ZNF266: variants seen among roughly 807,000 people sequenced by gnomAD.
ZNF266 encodes the protein zinc finger protein 266.
ZNF266 carries 16 observed loss-of-function variants against 16.4 expected under a neutral mutation model. The observed-to-expected ratio is 0.98, with a 90% confidence interval of 0.66 to 1.48. The LOEUF is 1.48. ZNF266 is among the 40% of genes most tolerant of loss of function. The pLI is 0.00. For synonymous variants in ZNF266, 262 were observed against 237.9 expected, an observed-to-expected ratio of 1.10 and a Z score of -0.93; for missense variants, 738 against 689.1, an observed-to-expected ratio of 1.07 and a Z score of -0.79.
chr19:9,435,465 A>G lies in ZNF266; in HGVS notation c.-739T>C, dbSNP rs2072326622. Reference sequence around the variant, plus strand: ...AACCGGTACTTTCGCCACCCCTTCCACCGCTGGCTCCCACCCGTCATCCGA... The same window carrying G: ...AACCGGTACTTTCGCCACCCCTTCCGCCGCTGGCTCCCACCCGTCATCCGA... On this transcript the variant is annotated 5_prime_UTR_variant, in exon 1 of 11. Coordinates refer to ENST00000592904, the MANE Select transcript of ZNF266 (RefSeq NM_001370374.1). The G allele has an allele frequency of 6.6e-6, 1 of 152,078 alleles. No homozygotes were observed. The highest frequency in any genetic ancestry group is 2.4e-5 in the African/African-American group (1 of 41,340). 9.4% of individuals were successfully genotyped at this position (152,078 alleles called of 1,614,324 possible).
At chr19:9,422,773 C>T (rs78636917) in intron 5 of ZNF266, among the ~76,000 whole-genome samples, 4,113 of 102,770 alleles carry the variant, frequency 0.04, 103 homozygotes, top group African/African-American at 0.099. Context: ...GAAAATCTTC[C>T]GAGTGGCAGA....
At chr19:9,428,904 AAT>A (rs2071181451) in intron 5 of ZNF266, among the ~76,000 whole-genome samples, 1 of 99,924 alleles carries the variant, frequency 1.0e-5, no homozygotes, top group South Asian at 3.3e-4. Context: ...TTGTCAATTT[AAT>A]TTTTTTTTTA....
At chr19:9,415,545 TG>T in intron 10 of ZNF266, 108 bp downstream of exon 10, 1 of 901,122 alleles carries the variant, frequency 1.1e-6, no homozygotes. Flanking sequence ...CCCAAAGTGC[TG>T]GGATTACAGG....
intron 5 of ZNF266, among the ~76,000 whole-genome samples, chr19:9,422,925 A>C (rs1178018841): frequency 6.6e-6 from 1 of 152,214 alleles, no homozygotes; most frequent in African/African-American, 2.4e-5. Flanking sequence ...AGTGGTAACA[A>C]GGAAACCTAG....
chr19:9,414,452 C>T lies in ZNF266; in HGVS notation c.674G>A (p.Cys225Tyr), dbSNP rs746629499. Residue 225 changes from cysteine to tyrosine, a missense_variant, in exon 11 of 11, where the codon TGC (cysteine) becomes TAC (tyrosine). Transcript: ENST00000592904. ...RTCTGEKAFD[C>Y]SDSGKSFINH... Reference sequence around the variant, plus strand: ...AATGAAGGATTTCCCAGAGTCACTGCAATCAAAAGCTTTCTCTCCTGTGCA... The same window carrying T: ...AATGAAGGATTTCCCAGAGTCACTGTAATCAAAAGCTTTCTCTCCTGTGCA... 5 of 1,614,032 alleles carry T rather than the reference C, an allele frequency of 3.1e-6. No homozygotes were observed. In the African/African-American group the frequency reaches 4.0e-5, roughly 13 times the overall value.
intron 10 of ZNF266, 108 bp from the exon 11 acceptor site, chr19:9,414,828 T>G (rs2068741723): frequency 7.7e-7 from 1 of 1,305,432 alleles, no homozygotes; most frequent in Non-Finnish European, 1.0e-6. Context: ...TGTTTACCAT[T>G]TTCATTACAC....
intron 5 of ZNF266, 189 bp from the exon 6 acceptor site, chr19:9,420,407 C>A (rs1486267125): frequency 6.6e-6 from 1 of 152,176 alleles, no homozygotes; most frequent in African/African-American, 2.4e-5. Flanking sequence ...TATATACTCG[C>A]TTAATTATCA....
chr19:9,431,263 C>T (rs139255456), intron 5 of ZNF266, among the ~76,000 whole-genome samples: 4 of 152,256 alleles, frequency 2.6e-5, no homozygotes, highest in African/African-American at 9.6e-5. Context: ...TAACACAGTC[C>T]TTAGGATACC....
At chr19:9,421,620 A>G (rs16995435) in intron 5 of ZNF266, among the ~76,000 whole-genome samples, 3,902 of 152,284 alleles carry the variant, frequency 0.026, 92 homozygotes, top group African/African-American at 0.059. Context: ...AACACTGGAC[A>G]GGTAAATTAG....
At chr19:9,433,822 G>C (rs747678112) in intron 4 of ZNF266, 36 bp from the exon 5 acceptor site, 3 of 151,660 alleles carry the variant, frequency 2.0e-5, no homozygotes, top group African/African-American at 7.3e-5. Flanking sequence ...ACAAAAATTA[G>C]CCAGGCATGG....
At chr19:9,417,703 G>C in intron 9 of ZNF266, 125 bp downstream of exon 9, 1 of 717,638 alleles carries the variant, frequency 1.4e-6, no homozygotes, top group South Asian at 1.9e-5. Flanking sequence ...AGCTGAGACT[G>C]TGCCACGGCA....
chr19:9,420,356 TAC>T (rs2069670435), intron 5 of ZNF266, 138 bp from the exon 6 acceptor site: 1 of 152,386 alleles, frequency 6.6e-6, no homozygotes, highest in Middle Eastern at 3.4e-3. Context: ...CAACTTCCAC[TAC>T]TGAGGAACAG....
intron 5 of ZNF266, among the ~76,000 whole-genome samples, chr19:9,430,935 C>T (rs999314961): frequency 1.1e-4 from 16 of 152,212 alleles, no homozygotes; most frequent in Admixed American, 1.0e-3. Context: ...GTCAGGACCT[C>T]AAGGGCAACC....
chr19:9,424,812 G>C (rs189739925), intron 5 of ZNF266, among the ~76,000 whole-genome samples: 9 of 152,314 alleles, frequency 5.9e-5, no homozygotes, highest in Admixed American at 5.2e-4. Flanking sequence ...ACAAAGGACT[G>C]TTTGAACTGC....
chr19:9,413,956 G>C lies in ZNF266; in HGVS notation c.1170C>G (p.Pro390=). 6.2e-7 allele frequency: 1 copy of C among 1,614,136 alleles called. No homozygotes were observed. The highest frequency in any genetic ancestry group is 8.5e-7 in the Non-Finnish European group (1 of 1,180,030). ...EHLKTHTAKD[P]FECKICGKSF... is the part of the protein sequence containing the mutation. ...ATTTTCCACATATCTTACATTCAAA[G>C]GGATCCTTTGCAGTGTGAGTTTTTA... is the stretch of plus-strand genomic sequence containing the variant. The change falls in exon 11 of 11, where the codon CCC becomes CCG. Residue 390 remains proline, a synonymous_variant. Coordinates refer to ENST00000592904, the MANE Select transcript of ZNF266 (RefSeq NM_001370374.1).
intron 10 of ZNF266, 93 bp from the exon 11 acceptor site, chr19:9,414,813 T>C (rs1452714461): frequency 1.3e-5 from 18 of 1,372,690 alleles, no homozygotes; most frequent in Non-Finnish European, 1.6e-5. Flanking sequence ...TGATGATTAT[T>C]ATCATGTTTA....
At position 9,418,599 on chromosome 19, in the gene ZNF266, G is replaced by T. The variant is rs1428781903; in HGVS notation, c.141C>A (p.Asp47Glu). Residue 47 changes from aspartate to glutamate, a missense_variant, in exon 8 of 11, where the codon GAC (aspartate) becomes GAA (glutamate). By Grantham distance (45) the Asp-to-Glu change is conservative. Transcript: ENST00000592904. ...GTAAAGTCCATTCTTCTGGGGTGAA[G>T]TCCACAGCCAGATCATCAAAAGTCA... ...DSVTFDDLAV[D>E]FTPEEWTLLD... The T allele has an allele frequency of 6.4e-7, 1 of 1,560,546 alleles. No individual in the cohort carries two copies. Among genetic ancestry groups the T allele is most frequent in the Non-Finnish European group, 8.8e-7 (1 of 1,131,352 alleles).
At chr19:9,425,311 G>A (rs1357120538) in intron 5 of ZNF266, among the ~76,000 whole-genome samples, 3 of 152,148 alleles carry the variant, frequency 2.0e-5, no homozygotes, top group Non-Finnish European at 4.4e-5. Flanking sequence ...ATCAGCCCCC[G>A]AGAGCAGCCT....
chr19:9,425,486 C>T (rs1009158582), intron 5 of ZNF266, among the ~76,000 whole-genome samples: 3 of 152,322 alleles, frequency 2.0e-5, no homozygotes, highest in South Asian at 4.1e-4. Flanking sequence ...GAGAGACCCC[C>T]TAGACCAAAA....
Sources: allele counts gnomAD v4.1 joint callset (sites outside exome capture counted in the v4.1 genomes callset), GRCh38; gene constraint gnomAD v4.1.1; transcripts MANE v1.5; gene names NCBI Gene and HGNC (gene_info 2026-07-23, HGNC 2026-07-21).